Variants in CNTN4 observed in about 807,000 individuals in gnomAD.
The protein encoded by CNTN4 is contactin-4.
In CNTN4, 77 loss-of-function variants were observed where a neutral mutation model predicts 122.5. That is an observed-to-expected ratio of 0.63 (90% CI 0.52 to 0.76). CNTN4 has a LOEUF of 0.76. Among genes scored for constraint, CNTN4 ranks in the 30% least tolerant of loss-of-function variants. The probability of loss-of-function intolerance (pLI) is 0.00; values close to 1 mark genes in which losing one functional copy is unlikely to be tolerated. For synonymous variants in CNTN4, 512 were observed against 447.0 expected (o/e 1.15, Z -1.83); for missense variants, 1,256 against 1,259.1 (o/e 1.00, Z 0.04).
chr3:2,173,516 C>T (rs2036603928), intron 2 of CNTN4, among the ~76,000 whole-genome samples: 1 of 152,090 alleles, frequency 6.6e-6, no homozygotes. Context: ...TTATCTTGGG[C>T]AGAGCTTTTT....
At chr3:3,025,203 A>G (rs994552306) in intron 14 of CNTN4, among the ~76,000 whole-genome samples, 4 of 152,184 alleles carry the variant, frequency 2.6e-5, no homozygotes, top group Admixed American at 6.6e-5. Flanking sequence ...AAGCAAGCCC[A>G]TTCTATTCCC....
chr3:2,643,482 T>C (rs1015930525), intron 4 of CNTN4, among the ~76,000 whole-genome samples: 32 of 152,152 alleles, frequency 2.1e-4, no homozygotes, highest in Non-Finnish European at 1.0e-4. Flanking sequence ...GGAAAGCTCT[T>C]ATTGAACGAC....
intron 3 of CNTN4, among the ~76,000 whole-genome samples, chr3:2,384,761 CGTGTGTGT>C (rs67019083): frequency 1.4e-5 from 2 of 147,902 alleles, no homozygotes; most frequent in Admixed American, 6.8e-5. Context: ...TCAATGTGTG[CGTGTGTGT>C]GTGTGTGTGT....
At chr3:2,967,304 G>A (rs344414) in intron 13 of CNTN4, among the ~76,000 whole-genome samples, 119,912 of 152,020 alleles carry the variant, frequency 0.79, 47,855 homozygotes, top group South Asian at 0.88. Flanking sequence ...TGAGTACAGG[G>A]TGTGCAAAAT....
chr3:2,985,271 A>G (rs900566563), intron 13 of CNTN4: 1 of 152,402 alleles, frequency 6.6e-6, no homozygotes, highest in African/African-American at 2.4e-5. Context: ...AGCTTCATAG[A>G]TTTAGGCTGC....
intron 6 of CNTN4, among the ~76,000 whole-genome samples, chr3:2,768,213 C>G (rs1209511056): frequency 6.6e-6 from 1 of 152,102 alleles, no homozygotes; most frequent in Non-Finnish European, 1.5e-5. Flanking sequence ...AATGGCGAAT[C>G]CGGTAATATA....
At chr3:2,522,836 C>G (rs548408858) in intron 3 of CNTN4, among the ~76,000 whole-genome samples, 2 of 151,954 alleles carry the variant, frequency 1.3e-5, no homozygotes, top group Admixed American at 1.3e-4. Flanking sequence ...CTGAGGAATT[C>G]TTTCTTGAGT....
chr3:3,044,999 C>T (rs1379244216), intron 23 of CNTN4, among the ~76,000 whole-genome samples: 3 of 152,214 alleles, frequency 2.0e-5, no homozygotes, highest in African/African-American at 4.8e-5. Context: ...GTCCCATGCC[C>T]GGCTCAGAGG....
At chr3:2,681,220 A>G (rs1454425604) in intron 4 of CNTN4, among the ~76,000 whole-genome samples, 4 of 152,220 alleles carry the variant, frequency 2.6e-5, no homozygotes, top group African/African-American at 9.7e-5. Flanking sequence ...TAATAGTTCT[A>G]GTAATACCAT....
At chr3:2,523,141 C>G (rs2077278725) in intron 3 of CNTN4, among the ~76,000 whole-genome samples, 1 of 151,898 alleles carries the variant, frequency 6.6e-6, no homozygotes, top group Non-Finnish European at 1.5e-5. Context: ...GTACTGGAGA[C>G]AAAACAGACC....
chr3:2,306,802 G>T (rs1341726614), intron 2 of CNTN4, among the ~76,000 whole-genome samples: 1 of 151,944 alleles, frequency 6.6e-6, no homozygotes, highest in Non-Finnish European at 1.5e-5. Context: ...TTTCAATGAT[G>T]TTGTCTAGTT....
intron 3 of CNTN4, among the ~76,000 whole-genome samples, chr3:2,452,256 G>T (rs528315103): frequency 2.0e-5 from 3 of 152,224 alleles, no homozygotes; most frequent in South Asian, 2.1e-4. Flanking sequence ...AAATTAGGCC[G>T]TTGGGAAGGA....
At chr3:2,660,711 A>C (rs1257636883) in intron 4 of CNTN4, among the ~76,000 whole-genome samples, 1 of 152,206 alleles carries the variant, frequency 6.6e-6, no homozygotes, top group Non-Finnish European at 1.5e-5. Context: ...GATAATCTAG[A>C]CTTTGGTTAC....
intron 3 of CNTN4, among the ~76,000 whole-genome samples, chr3:2,502,041 A>T (rs2076607958): frequency 6.6e-6 from 1 of 152,170 alleles, no homozygotes; most frequent in African/African-American, 2.4e-5. Context: ...CGTGGATCCA[A>T]TCTCTAAGAT....
intron 6 of CNTN4, among the ~76,000 whole-genome samples, chr3:2,788,813 C>T (rs1009096839): frequency 6.6e-6 from 1 of 152,124 alleles, no homozygotes; most frequent in Non-Finnish European, 1.5e-5. Context: ...CACCCCAGGG[C>T]CTGCAGGAGA....
intron 4 of CNTN4, among the ~76,000 whole-genome samples, chr3:2,644,717 C>A (rs2083045074): frequency 6.7e-6 from 1 of 148,218 alleles, no homozygotes; most frequent in African/African-American, 2.5e-5. Context: ...GGCTCTCTGA[C>A]CAAGAATCAC....
intron 2 of CNTN4, among the ~76,000 whole-genome samples, chr3:2,167,858 T>C (rs2036271179): frequency 6.6e-6 from 1 of 152,188 alleles, no homozygotes; most frequent in South Asian, 2.1e-4. Context: ...TACAGTTCAG[T>C]TAAGATTTAT....
intron 13 of CNTN4, among the ~76,000 whole-genome samples, chr3:2,948,174 G>C (rs1311861191): frequency 6.6e-6 from 1 of 152,180 alleles, no homozygotes; most frequent in African/African-American, 2.4e-5. Flanking sequence ...TGTTAGAGTA[G>C]GTTCTGACCT....
chr3:2,119,209 C>T (rs2033561921), intron 2 of CNTN4, among the ~76,000 whole-genome samples: 1 of 152,202 alleles, frequency 6.6e-6, no homozygotes, highest in Non-Finnish European at 1.5e-5. Context: ...ATTGCTTGTC[C>T]AGTCTGTTAA....
Sources: allele counts gnomAD v4.1 joint callset (sites outside exome capture counted in the v4.1 genomes callset), GRCh38; gene constraint gnomAD v4.1.1; transcripts MANE v1.5; gene names NCBI Gene and HGNC (gene_info 2026-07-23, HGNC 2026-07-21).